Variants in ERC1 observed in about 807,000 individuals in gnomAD.
The protein encoded by ERC1 is RAB6 interacting protein 2.
ERC1 carries 56 observed loss-of-function variants against 132.0 expected under a neutral mutation model. The observed-to-expected ratio is 0.42, with a 90% CI of 0.34 to 0.53. ERC1 has a LOEUF of 0.53. Among genes scored for constraint, ERC1 ranks in the 20% least tolerant of loss-of-function variants. ERC1 has a pLI of 0.03. For synonymous variants in ERC1, 478 were observed against 476.1 expected (o/e 1.00, Z -0.05); for missense variants, 1,202 against 1,349.9 (o/e 0.89, Z 1.72).
At chr12:1,080,256 A>G (rs1272946234) in intron 2 of ERC1, among the ~76,000 whole-genome samples, 1 of 152,182 alleles carries the variant, frequency 6.6e-6, no homozygotes, top group Non-Finnish European at 1.5e-5. Flanking sequence ...CTGAAACTGT[A>G]TACCCATTAA....
At chr12:1,285,830 A>G (rs1279173950) in intron 14 of ERC1, among the ~76,000 whole-genome samples, 1 of 152,244 alleles carries the variant, frequency 6.6e-6, no homozygotes, top group African/African-American at 2.4e-5. Flanking sequence ...AAACTTTACA[A>G]GTTAATACAG....
At chr12:1,372,979 A>G (rs1185095350) in intron 16 of ERC1, among the ~76,000 whole-genome samples, 2 of 152,188 alleles carry the variant, frequency 1.3e-5, no homozygotes, top group Non-Finnish European at 2.9e-5. Context: ...TAGTCTTTAT[A>G]TGTATTTATG....
intron 14 of ERC1, among the ~76,000 whole-genome samples, chr12:1,272,751 C>T (rs1386210389): frequency 6.6e-6 from 1 of 151,876 alleles, no homozygotes; most frequent in African/African-American, 2.4e-5. Context: ...AGTTCAAGAC[C>T]AGCCTGGCCA....
chr12:1,176,245 C>T (rs1373714789), intron 8 of ERC1, among the ~76,000 whole-genome samples: 1 of 152,160 alleles, frequency 6.6e-6, no homozygotes, highest in East Asian at 1.9e-4. Flanking sequence ...ACATGAATCT[C>T]CTTGTACCTC....
rs1257096278 is a variant in ERC1, at chr12:1,394,243, AC to A, written c.2926-13905del. On this transcript the variant is annotated intron_variant, in intron 16 of 18. Coordinates refer to ENST00000360905, the MANE Select transcript of ERC1 (RefSeq NM_178040.4). ...GTGAAACCCCATCTCTACTAAAAAT[AC>A]AAAAAATTAGCCAGGCGTGGTGGCG... Among the ~76,000 whole-genome samples, 3 of 149,278 alleles carry A rather than the reference AC, an allele frequency of 2.0e-5. No homozygotes were observed. In the East Asian group the frequency reaches 6.0e-4, roughly 30 times the overall value.
At chr12:1,478,808 G>A (rs2094028672) in intron 18 of ERC1, among the ~76,000 whole-genome samples, 1 of 142,676 alleles carries the variant, frequency 7.0e-6, no homozygotes, top group African/African-American at 2.8e-5. Context: ...AAGAGAGAGA[G>A]AGAGAGAGAC....
At chr12:1,247,488 T>A (rs1224353117) in intron 13 of ERC1, among the ~76,000 whole-genome samples, 1 of 152,212 alleles carries the variant, frequency 6.6e-6, no homozygotes, top group African/African-American at 2.4e-5. Flanking sequence ...AAAGTTTTAT[T>A]TAACAAATGT....
At chr12:1,444,846 G>C (rs1276346086) in intron 18 of ERC1, 96 bp downstream of exon 18, 4 of 1,141,104 alleles carry the variant, frequency 3.5e-6, no homozygotes, top group South Asian at 1.5e-5. Flanking sequence ...TCCAGTTGCC[G>C]TGTAGTTGAT....
chr12:1,172,832 C>G (rs1566142599), intron 8 of ERC1, among the ~76,000 whole-genome samples: 2 of 152,160 alleles, frequency 1.3e-5, no homozygotes, highest in Admixed American at 6.5e-5. Context: ...GTCAGGTCCT[C>G]CTTGGTCCGT....
chr12:1,002,340 A>AT (rs569633435), intron 1 of ERC1, among the ~76,000 whole-genome samples: 29,881 of 131,412 alleles, frequency 0.23, 3,587 homozygotes, highest in Middle Eastern at 0.29. Context: ...TGCTTGGCTA[A>AT]TTTTTTTTTT....
At chr12:1,346,809 G>C (rs574515257) in intron 15 of ERC1, among the ~76,000 whole-genome samples, 2,364 of 151,714 alleles carry the variant, frequency 0.016, 59 homozygotes, top group African/African-American at 0.054. Flanking sequence ...GGGCGCGGTG[G>C]CGGGCGCCTG....
chr12:1,127,602 T>C (rs1438858147), intron 7 of ERC1, among the ~76,000 whole-genome samples: 2 of 152,050 alleles, frequency 1.3e-5, no homozygotes, highest in African/African-American at 4.8e-5. Context: ...TTACAAGTAG[T>C]GTGTTGTTTA....
chr12:1,030,085 T>C (rs1279231272), intron 2 of ERC1, among the ~76,000 whole-genome samples: 2 of 152,290 alleles, frequency 1.3e-5, no homozygotes, highest in Non-Finnish European at 2.9e-5. Context: ...TTTTTCTCTT[T>C]TCACATTTTT....
At chr12:1,241,631 T>C (rs532080091) in intron 13 of ERC1, among the ~76,000 whole-genome samples, 6 of 152,258 alleles carry the variant, frequency 3.9e-5, no homozygotes, top group African/African-American at 1.4e-4. Context: ...CTTTAATGCA[T>C]GTGGAATTTA....
At chr12:1,357,946 TC>T (rs2085700553) in intron 15 of ERC1, among the ~76,000 whole-genome samples, 2 of 152,138 alleles carry the variant, frequency 1.3e-5, no homozygotes, top group African/African-American at 4.8e-5. Context: ...TAACAGAAAC[TC>T]CCTTGGCTTG....
chr12:1,347,645 T>G (rs2084605064), intron 15 of ERC1, among the ~76,000 whole-genome samples: 1 of 152,188 alleles, frequency 6.6e-6, no homozygotes, highest in Non-Finnish European at 1.5e-5. Flanking sequence ...GCTAGCCACA[T>G]AAATTGTCCT....
chr12:1,110,218 T>A lies in ERC1; in HGVS notation c.1188T>A (p.Arg396=). Residue 396 remains arginine, a synonymous_variant, in exon 5 of 19, where the codon CGT becomes CGA. Transcript: ENST00000360905. The stretch of plus-strand genomic sequence containing the variant: ...ATTCAAAAATTTCCTCTATGGAGCG[T>A]GGGCTTCGAGACCTGGAAGAGGAAA... The part of the protein sequence containing the change: ...MKDSKISSME[R]GLRDLEEEIQ... 1.2e-6 allele frequency: 2 copies of A among 1,613,290 alleles called. No individual in the cohort carries two copies. The highest frequency in any genetic ancestry group is 1.7e-6 in the Non-Finnish European group (2 of 1,179,688).
chr12:1,061,343 TCCCA>T (rs1937831654), intron 2 of ERC1, among the ~76,000 whole-genome samples: 1 of 151,372 alleles, frequency 6.6e-6, no homozygotes, highest in African/African-American at 2.4e-5. Context: ...ATGCCTGTAA[TCCCA>T]GCACACTGGT....
intron 13 of ERC1, among the ~76,000 whole-genome samples, chr12:1,262,795 T>C (rs547279851): frequency 2.0e-4 from 30 of 152,314 alleles, no homozygotes; most frequent in African/African-American, 5.5e-4. Flanking sequence ...AGAGAGCAAA[T>C]TTCTCACATT....
Sources: gnomAD v4.1 joint callset for allele counts (sites outside exome capture counted in the v4.1 genomes callset) on GRCh38, gnomAD v4.1.1 for gene constraint, MANE v1.5 for transcripts, NCBI Gene and HGNC (gene_info 2026-07-23, HGNC 2026-07-21) for gene names.